Variants in CDH9 observed in about 807,000 individuals in gnomAD.
CDH9 encodes cadherin-9.
In CDH9, 28 loss-of-function variants were observed where a neutral mutation model predicts 70.9. That is an observed-to-expected ratio of 0.40 (90% confidence interval 0.29 to 0.54). The LOEUF (loss-of-function observed/expected upper bound fraction) is 0.54, where lower values mean the gene tolerates loss of function less well. Among genes scored for constraint, CDH9 ranks in the 20% least tolerant of loss-of-function variants. The probability of loss-of-function intolerance (pLI) is 0.59; values close to 1 mark genes in which losing one functional copy is unlikely to be tolerated. For synonymous variants in CDH9, 409 were observed against 343.1 expected (o/e 1.19, Z -2.12); for missense variants, 874 against 984.4 (o/e 0.89, Z 1.50).
chr5:27,001,859 C>CTCTCTG (rs1224299620), intron 1 of CDH9, among the ~76,000 whole-genome samples: 4 of 151,694 alleles, frequency 2.6e-5, no homozygotes, highest in African/African-American at 9.7e-5. Context: ...CTCTCTCTCT[C>CTCTCTG]TCTCTCTCTC....
At chr5:26,977,649 G>C (rs1348226428) in intron 2 of CDH9, among the ~76,000 whole-genome samples, 1 of 151,908 alleles carries the variant, frequency 6.6e-6, no homozygotes, top group Non-Finnish European at 1.5e-5. Context: ...AGAATTAAGG[G>C]TCAGGATTCA....
intron 2 of CDH9, among the ~76,000 whole-genome samples, chr5:26,970,006 A>G (rs988159743): frequency 6.6e-6 from 1 of 150,558 alleles, no homozygotes; most frequent in African/African-American, 2.4e-5. Context: ...ACTTCTTTAT[A>G]CCAAAACCAA....
At chr5:26,897,569 A>C (rs1210400386) in intron 7 of CDH9, among the ~76,000 whole-genome samples, 1 of 152,180 alleles carries the variant, frequency 6.6e-6, no homozygotes, top group African/African-American at 2.4e-5. Context: ...GACAAAAACC[A>C]CATGATTATC....
chr5:26,955,851 T>A (rs1021022582), intron 2 of CDH9, among the ~76,000 whole-genome samples: 2 of 152,188 alleles, frequency 1.3e-5, no homozygotes, highest in East Asian at 3.9e-4. Flanking sequence ...AAATGCATGT[T>A]GATCAGAGGC....
At chr5:26,987,905 G>A (rs189502745) in intron 2 of CDH9, among the ~76,000 whole-genome samples, 2 of 152,002 alleles carry the variant, frequency 1.3e-5, no homozygotes, top group East Asian at 1.9e-4. Flanking sequence ...AGTAGTTTAC[G>A]CTTATTATTG....
intron 2 of CDH9, among the ~76,000 whole-genome samples, chr5:26,923,924 G>T (rs1741291514): frequency 6.6e-6 from 1 of 151,930 alleles, no homozygotes; most frequent in Non-Finnish European, 1.5e-5. Context: ...AAAGTTCATA[G>T]CAATAAGCAC....
intron 2 of CDH9, among the ~76,000 whole-genome samples, chr5:26,939,423 A>G (rs1741620464): frequency 6.6e-6 from 1 of 151,612 alleles, no homozygotes; most frequent in African/African-American, 2.4e-5. Flanking sequence ...TTAACTGGTT[A>G]CCAAAAGTTT....
chr5:26,909,535 T>C (rs1424842126), intron 3 of CDH9, among the ~76,000 whole-genome samples: 1 of 149,608 alleles, frequency 6.7e-6, no homozygotes, highest in Admixed American at 6.7e-5. Flanking sequence ...CCATTTTTTT[T>C]CTTTTTTTTT....
At chr5:26,935,792 G>A (rs954461638) in intron 2 of CDH9, among the ~76,000 whole-genome samples, 1 of 152,162 alleles carries the variant, frequency 6.6e-6, no homozygotes, top group African/African-American at 2.4e-5. Flanking sequence ...ATATGAAATA[G>A]ACACATGCAC....
chr5:27,032,985 C>T (rs1179565083), intron 1 of CDH9, among the ~76,000 whole-genome samples: 6 of 151,202 alleles, frequency 4.0e-5, no homozygotes, highest in African/African-American at 1.2e-4. Context: ...ATATATTTCT[C>T]ATCCACTGTA....
At chr5:26,947,513 G>T (rs916846853) in intron 2 of CDH9, among the ~76,000 whole-genome samples, 18 of 152,094 alleles carry the variant, frequency 1.2e-4, no homozygotes, top group African/African-American at 3.9e-4. Flanking sequence ...GACACCAAAG[G>T]TTGCCTAAGG....
intron 7 of CDH9, among the ~76,000 whole-genome samples, chr5:26,899,698 T>C (rs1740818115): frequency 6.6e-6 from 1 of 151,420 alleles, no homozygotes; most frequent in African/African-American, 2.4e-5. Flanking sequence ...GAGGGGAACA[T>C]CACACACCAG....
intron 2 of CDH9, among the ~76,000 whole-genome samples, chr5:26,980,860 T>C (rs1178060570): frequency 6.6e-6 from 1 of 152,058 alleles, no homozygotes; most frequent in African/African-American, 2.4e-5. Flanking sequence ...ATAGAGAAAT[T>C]CTTTAAGATA....
intron 2 of CDH9, among the ~76,000 whole-genome samples, chr5:26,961,736 G>A (rs13174843): frequency 0.07 from 10,693 of 152,192 alleles, 436 homozygotes; most frequent in Middle Eastern, 0.16. Context: ...TTGTGTTGTA[G>A]GAGATCATAT....
intron 7 of CDH9, among the ~76,000 whole-genome samples, chr5:26,892,666 T>TA (rs2111975650): frequency 6.6e-6 from 1 of 152,294 alleles, no homozygotes; most frequent in South Asian, 2.1e-4. Flanking sequence ...TTGGCAAACA[T>TA]AAGTAATAGA....
At chr5:26,952,940 T>G (rs1741879966) in intron 2 of CDH9, among the ~76,000 whole-genome samples, 1 of 142,828 alleles carries the variant, frequency 7.0e-6, no homozygotes, top group Admixed American at 6.9e-5. Context: ...GAGAATACAG[T>G]CAAAGTTGAA....
intron 2 of CDH9, among the ~76,000 whole-genome samples, chr5:26,918,117 C>A (rs1741179032): frequency 6.6e-6 from 1 of 152,194 alleles, no homozygotes; most frequent in Non-Finnish European, 1.5e-5. Flanking sequence ...TCTTTTCCCT[C>A]TTGCTATACA....
chr5:26,967,780 A>G (rs181642336), intron 2 of CDH9, among the ~76,000 whole-genome samples: 1 of 152,170 alleles, frequency 6.6e-6, no homozygotes, highest in African/African-American at 2.4e-5. Context: ...AGCTCACTGT[A>G]ACAGCAAATT....
chr5:26,952,673 G>T (rs1254224613), intron 2 of CDH9, among the ~76,000 whole-genome samples: 13 of 146,842 alleles, frequency 8.9e-5, no homozygotes, highest in African/African-American at 3.2e-4. Context: ...AAAAAGAGGT[G>T]ATTGGGTCAT....
Sources: allele counts gnomAD v4.1 joint callset (sites outside exome capture counted in the v4.1 genomes callset), GRCh38; gene constraint gnomAD v4.1.1; transcripts MANE v1.5; gene names NCBI Gene and HGNC (gene_info 2026-07-23, HGNC 2026-07-21).